The following MMP26 variants were observed in gnomAD, a reference collection of about 807,000 sequenced individuals.
The protein encoded by MMP26 is matrix metalloproteinase-26.
A neutral mutation model predicts 31.0 loss-of-function variants in MMP26; 33 were observed. That is an observed-to-expected ratio of 1.06 (90% confidence interval 0.81 to 1.42). The LOEUF is 1.42. Ranked by LOEUF, MMP26 falls within the 40% of genes most tolerant of loss-of-function variation. MMP26 has a pLI of 0.00. For synonymous variants in MMP26, 122 were observed against 114.9 expected, an observed-to-expected ratio of 1.06 and a Z score of -0.40; for missense variants, 347 against 316.1, an observed-to-expected ratio of 1.10 and a Z score of -0.74.
At position 4,854,797 on chromosome 11, in the gene MMP26, C is replaced by A. The variant is rs528015676; in HGVS notation, c.-145+87456C>A. ...GGTCCCTGACCCTCGAGTAGCCTAACTGGGAGACATCCCCCAGTAGGGGCC... is the reference window on the plus strand; with the variant it reads ...GGTCCCTGACCCTCGAGTAGCCTAAATGGGAGACATCCCCCAGTAGGGGCC... On this transcript the variant is annotated intron_variant, in intron 2 of 7. Transcript: ENST00000380390. 2.0e-5 allele frequency among the ~76,000 whole-genome samples: 3 copies of A among 152,324 alleles called. No individual in the cohort carries two copies. In the South Asian group the frequency reaches 6.2e-4, roughly 32 times the overall value.
At chr11:4,882,004 T>A in intron 2 of MMP26, 1 of 1,613,872 alleles carries the variant, frequency 6.2e-7, no homozygotes. Context: ...CAGTCTGCTG[T>A]CTCTACACCA....
chr11:4,815,960 C>A (rs985284093), intron 2 of MMP26, among the ~76,000 whole-genome samples: 2 of 152,178 alleles, frequency 1.3e-5, no homozygotes, highest in South Asian at 4.1e-4. Context: ...TCCTTATCAA[C>A]AAATAACTAT....
At chr11:4,813,496 G>T (rs1849378639) in intron 2 of MMP26, among the ~76,000 whole-genome samples, 1 of 151,924 alleles carries the variant, frequency 6.6e-6, no homozygotes, top group Non-Finnish European at 1.5e-5. Flanking sequence ...CAAAGTGCTA[G>T]GATTACAGGC....
At chr11:4,887,689 G>A (rs145895415) in intron 2 of MMP26, among the ~76,000 whole-genome samples, 1 of 152,094 alleles carries the variant, frequency 6.6e-6, no homozygotes, top group Non-Finnish European at 1.5e-5. Flanking sequence ...TGTTGTTTTG[G>A]TTTGTTTTTC....
chr11:4,745,550 T>C (rs1017292483), intron 1 of MMP26, among the ~76,000 whole-genome samples: 2 of 152,132 alleles, frequency 1.3e-5, no homozygotes, highest in Non-Finnish European at 2.9e-5. Flanking sequence ...CCATAATATC[T>C]CCCAGTGGAG....
At chr11:4,915,522 A>T in intron 2 of MMP26, 1 of 1,614,168 alleles carries the variant, frequency 6.2e-7, no homozygotes, top group Non-Finnish European at 8.5e-7. Flanking sequence ...AGAATTGTGC[A>T]GTTGCCCGGG....
rs948260877 is a variant in MMP26, at chr11:4,920,386, C to T, written c.-144-67682C>T. Among the ~76,000 whole-genome samples the T allele has an allele frequency of 3.9e-5, 6 of 152,132 alleles. No individual in the cohort carries two copies. In the East Asian group the frequency reaches 1.2e-3, roughly 29 times the overall value. ...ACTGTTTCCACAATGCACTTCTTCT[C>T]CTCTTATTCAGCTATGACTATTTCT... On this transcript the variant is annotated intron_variant, in intron 2 of 7. Transcript: ENST00000380390.
intron 2 of MMP26, among the ~76,000 whole-genome samples, chr11:4,870,810 C>G (rs1850301147): frequency 6.6e-6 from 1 of 152,032 alleles, no homozygotes. Flanking sequence ...GTGGAGTTAT[C>G]AAGTAGGAAG....
intron 2 of MMP26, chr11:4,881,919 C>G: frequency 6.2e-7 from 1 of 1,612,790 alleles, no homozygotes; most frequent in Non-Finnish European, 8.5e-7. Context: ...TTCAATAACA[C>G]CACTTCGTCT....
rs3065178 is a variant in MMP26, at chr11:4,907,095, T to TAAAAAAAAAAAAAAA, written c.-144-80967_-144-80953dup. On this transcript the variant is annotated intron_variant, in intron 2 of 7. Coordinates refer to ENST00000380390, the MANE Select transcript of MMP26 (RefSeq NM_021801.5). ...TGGGCAACAAGAGCAAAACTCCCTC[T>TAAAAAAAAAAAAAAA]AAAAAAAAAAAAAAAAAAAATCCTA... is the stretch of plus-strand genomic sequence containing the variant. Among the ~76,000 whole-genome samples, 162 of 55,056 alleles carry TAAAAAAAAAAAAAAA rather than the reference T, an allele frequency of 2.9e-3. 8 individuals are homozygous for TAAAAAAAAAAAAAAA. Among genetic ancestry groups the TAAAAAAAAAAAAAAA allele is most frequent in the African/African-American group, 7.8e-3 (119 of 15,240 alleles). 36.1% of individuals were successfully genotyped at this position (55,056 alleles called of 152,430 possible). A position where few individuals can be genotyped will look rare whatever the true frequency, so the allele number is the denominator to read the frequency against.
chr11:4,803,224 C>A (rs941706625), intron 2 of MMP26, among the ~76,000 whole-genome samples: 2 of 152,170 alleles, frequency 1.3e-5, no homozygotes, highest in Non-Finnish European at 2.9e-5. Context: ...ATGTAGTCAA[C>A]AAAGTTGTTC....
intron 2 of MMP26, among the ~76,000 whole-genome samples, chr11:4,845,406 A>G (rs987475195): frequency 1.3e-5 from 2 of 152,156 alleles, no homozygotes; most frequent in African/African-American, 2.4e-5. Context: ...AGAAAAAACA[A>G]TCTTAATTTG....
At chr11:4,899,023 T>C (rs1850762942) in intron 2 of MMP26, among the ~76,000 whole-genome samples, 1 of 152,152 alleles carries the variant, frequency 6.6e-6, no homozygotes, top group East Asian at 1.9e-4. Context: ...TTATCCTAAA[T>C]TGAAGCAAAG....
chr11:4,810,062 C>A (rs546056110), intron 2 of MMP26, among the ~76,000 whole-genome samples: 1 of 152,300 alleles, frequency 6.6e-6, no homozygotes, highest in South Asian at 2.1e-4. Context: ...ATTTCCAGTG[C>A]CTCACATGCA....
intron 2 of MMP26, among the ~76,000 whole-genome samples, chr11:4,831,936 C>T (rs1589914452): frequency 6.6e-6 from 1 of 152,036 alleles, no homozygotes; most frequent in African/African-American, 2.4e-5. Flanking sequence ...CTGTGATGAA[C>T]CTGTTTAAAT....
chr11:4,904,715 AG>A (rs1850856751), intron 2 of MMP26, among the ~76,000 whole-genome samples: 1 of 152,126 alleles, frequency 6.6e-6, no homozygotes, highest in Non-Finnish European at 1.5e-5. Flanking sequence ...TTAAAATATG[AG>A]TGAAAAGAAT....
intron 2 of MMP26, among the ~76,000 whole-genome samples, chr11:4,977,975 G>A (rs1846760808): frequency 6.6e-6 from 1 of 152,052 alleles, no homozygotes; most frequent in Non-Finnish European, 1.5e-5. Context: ...AAGACCTGGT[G>A]GGAGGTGACT....
intron 2 of MMP26, among the ~76,000 whole-genome samples, chr11:4,812,018 A>G (rs1849356232): frequency 2.0e-5 from 3 of 152,144 alleles, no homozygotes; most frequent in African/African-American, 7.2e-5. Flanking sequence ...ACTGGAATGT[A>G]CCAAGATTTC....
chr11:4,710,108 C>G, intron 1 of MMP26: 1 of 456,840 alleles, frequency 2.2e-6, no homozygotes, highest in Middle Eastern at 3.3e-4. Context: ...ACCATTCCTA[C>G]TGCTTCCACC....
Sources: allele counts gnomAD v4.1 joint callset (sites outside exome capture counted in the v4.1 genomes callset), GRCh38; gene constraint gnomAD v4.1.1; transcripts MANE v1.5; gene names NCBI Gene and HGNC (gene_info 2026-07-23, HGNC 2026-07-21).